Variants in TENM2 observed in about 807,000 individuals in gnomAD.
The protein encoded by TENM2 is teneurin transmembrane protein 2.
A neutral mutation model predicts 245.2 loss-of-function variants in TENM2; 52 were observed. The ratio of observed to expected loss-of-function variants is 0.21; its 90% CI spans 0.17 to 0.27. TENM2 has a LOEUF of 0.27. TENM2 is among the 10% of genes least tolerant of loss of function. The probability of loss-of-function intolerance (pLI) is 1.00; values close to 1 mark genes in which losing one functional copy is unlikely to be tolerated. For synonymous variants in TENM2, 1,363 were observed against 1,438.9 expected, an observed-to-expected ratio of 0.95 and a Z score of 1.19; for missense variants, 3,046 against 3,666.8, an observed-to-expected ratio of 0.83 and a Z score of 4.37.
At chr5:167,812,187 C>A (rs1284652411) in intron 2 of TENM2, among the ~76,000 whole-genome samples, 1 of 152,108 alleles carries the variant, frequency 6.6e-6, no homozygotes, top group Admixed American at 6.6e-5. Context: ...AGTATTCCTG[C>A]AGCACAAAGT....
intron 12 of TENM2, among the ~76,000 whole-genome samples, chr5:168,158,730 C>T (rs1757416408): frequency 6.8e-6 from 1 of 148,046 alleles, no homozygotes; most frequent in Non-Finnish European, 1.5e-5. Flanking sequence ...GAGGCCAAGG[C>T]AGGCGGATCA....
At chr5:168,168,299 A>G (rs572233383) in intron 13 of TENM2, among the ~76,000 whole-genome samples, 72 of 152,262 alleles carry the variant, frequency 4.7e-4, no homozygotes, top group African/African-American at 1.7e-3. Context: ...TAGTGCTTAT[A>G]CCCCAAACCC....
At chr5:167,540,476 G>A (rs917462777) in intron 2 of TENM2, among the ~76,000 whole-genome samples, 3 of 152,132 alleles carry the variant, frequency 2.0e-5, no homozygotes, top group African/African-American at 7.2e-5. Context: ...AAATTTCAGT[G>A]TCCATAAAAA....
At chr5:167,016,775 A>C in the TENM2 span, among the ~76,000 whole-genome samples, 9 of 152,196 alleles carry the variant, frequency 5.9e-5, no homozygotes, top group African/African-American at 2.2e-4. Flanking sequence ...TTTGTGCTCA[A>C]CTGTTTCCCC....
the TENM2 span, among the ~76,000 whole-genome samples, chr5:167,182,561 TACA>T: frequency 6.6e-6 from 1 of 152,212 alleles, no homozygotes; most frequent in Non-Finnish European, 1.5e-5. Flanking sequence ...TTATTGTTTT[TACA>T]ACATTAGAAA....
In TENM2 at chr5:167,325,293, C is replaced by T. The variant is rs535559964; in HGVS notation, c.226+40230C>T. On this transcript the variant is annotated intron_variant, in intron 1 of 28. Coordinates refer to ENST00000518659, the Ensembl canonical transcript of TENM2. ...AAATTAGCCGACAAGAATTTATACTCATCTATTTAAATGATACTTGTAAAT... is the reference window on the plus strand; with the variant it reads ...AAATTAGCCGACAAGAATTTATACTTATCTATTTAAATGATACTTGTAAAT... Among the ~76,000 whole-genome samples the T allele has an allele frequency of 3.3e-5, 5 of 152,214 alleles. No homozygotes were observed. In the East Asian group the frequency reaches 7.7e-4, roughly 24 times the overall value.
intron 2 of TENM2, among the ~76,000 whole-genome samples, chr5:167,388,101 TC>T (rs1418061033): frequency 6.6e-6 from 1 of 152,256 alleles, no homozygotes; most frequent in African/African-American, 2.4e-5. Flanking sequence ...TGGTGCCAAT[TC>T]TTTGAATATC....
chr5:167,986,458 C>T (rs1011611188), intron 4 of TENM2, among the ~76,000 whole-genome samples: 5 of 152,150 alleles, frequency 3.3e-5, no homozygotes, highest in Middle Eastern at 3.2e-3. Context: ...TCCCATCCCC[C>T]GCATGACATG....
chr5:168,186,573 C>G (rs1760453932), intron 13 of TENM2: 1 of 152,110 alleles, frequency 6.6e-6, no homozygotes. Context: ...AAGTCGCTTT[C>G]CCATAACCGC....
intron 7 of TENM2, among the ~76,000 whole-genome samples, chr5:168,089,214 G>A (rs891919145): frequency 2.6e-5 from 4 of 152,110 alleles, no homozygotes; most frequent in African/African-American, 9.7e-5. Flanking sequence ...CCTTAGAAAT[G>A]TTCCTCCAAA....
intron 2 of TENM2, among the ~76,000 whole-genome samples, chr5:167,601,938 G>C (rs1776664769): frequency 6.6e-6 from 1 of 151,826 alleles, no homozygotes; most frequent in South Asian, 2.1e-4. Flanking sequence ...ACTGGGGATG[G>C]TGAAGGATGG....
chr5:167,444,868 T>C (rs2127464599), intron 2 of TENM2, among the ~76,000 whole-genome samples: 1 of 152,304 alleles, frequency 6.6e-6, no homozygotes, highest in African/African-American at 2.4e-5. Flanking sequence ...CAAGCAAGTG[T>C]GATCAAACTC....
chr5:167,720,545 T>A (rs1759558419), intron 2 of TENM2, among the ~76,000 whole-genome samples: 2 of 152,214 alleles, frequency 1.3e-5, no homozygotes, highest in Admixed American at 1.3e-4. Flanking sequence ...CTTAAGTGAT[T>A]CTCCCCACCC....
chr5:167,849,633 C>A (rs1296778142), intron 2 of TENM2, among the ~76,000 whole-genome samples: 1 of 152,120 alleles, frequency 6.6e-6, no homozygotes, highest in South Asian at 2.1e-4. Context: ...ATCACAAGTC[C>A]CATGTTGTGA....
intron 2 of TENM2, among the ~76,000 whole-genome samples, chr5:167,490,116 C>A (rs1768332545): frequency 6.6e-6 from 1 of 152,082 alleles, no homozygotes; most frequent in South Asian, 2.1e-4. Context: ...TATATATTCC[C>A]AAATTAACCT....
intron 2 of TENM2, among the ~76,000 whole-genome samples, chr5:167,548,456 A>G (rs1044317985): frequency 4.6e-5 from 7 of 151,936 alleles, no homozygotes; most frequent in Admixed American, 1.3e-4. Flanking sequence ...CACAAAGCTA[A>G]TTTTCCTCAT....
At chr5:167,755,313 C>T (rs1028167969) in intron 2 of TENM2, 16 of 660,986 alleles carry the variant, frequency 2.4e-5, no homozygotes, top group Admixed American at 5.0e-5. Context: ...GGAGACTTGA[C>T]GGTGAAACTA....
intron 5 of TENM2, among the ~76,000 whole-genome samples, chr5:168,004,714 T>C (rs988482254): frequency 6.6e-6 from 1 of 152,220 alleles, no homozygotes; most frequent in African/African-American, 2.4e-5. Flanking sequence ...TCACAGTGTT[T>C]GCATTTGCAC....
At chr5:167,775,339 G>A (rs146643154) in intron 2 of TENM2, among the ~76,000 whole-genome samples, 26 of 152,222 alleles carry the variant, frequency 1.7e-4, no homozygotes, top group South Asian at 8.3e-4. Context: ...GGCCCTTGTC[G>A]GATGGAATTT....
Sources: gnomAD v4.1 joint callset for allele counts (sites outside exome capture counted in the v4.1 genomes callset) on GRCh38, gnomAD v4.1.1 for gene constraint, MANE v1.5 for transcripts, NCBI Gene and HGNC (gene_info 2026-07-23, HGNC 2026-07-21) for gene names.